FAT2: variants seen among roughly 807,000 people sequenced by gnomAD.
The protein encoded by FAT2 is FAT atypical cadherin 2, also known as protocadherin Fat 2.
FAT2 carries 150 observed loss-of-function variants against 295.3 expected under a neutral mutation model. The observed-to-expected ratio is 0.51, with a 90% CI of 0.44 to 0.58. The LOEUF (loss-of-function observed/expected upper bound fraction) is 0.58. Ranked by LOEUF, FAT2 falls within the 20% of genes least tolerant of loss-of-function variation. The probability of loss-of-function intolerance (pLI) is 0.00; values close to 1 mark genes in which losing one functional copy is unlikely to be tolerated. For synonymous variants in FAT2, 2,026 were observed against 2,150.3 expected, an observed-to-expected ratio of 0.94 and a Z score of 1.60; for missense variants, 4,868 against 5,442.7, an observed-to-expected ratio of 0.89 and a Z score of 3.32.
intron 18 of FAT2, among the ~76,000 whole-genome samples, chr5:151,522,525 A>G (rs975775185): frequency 6.6e-6 from 1 of 152,168 alleles, no homozygotes; most frequent in South Asian, 2.1e-4. Context: ...CCCTTTTGCT[A>G]TGCGATTGGA....
chr5:151,530,372 G>A (rs1288690511), intron 14 of FAT2, among the ~76,000 whole-genome samples: 1 of 152,144 alleles, frequency 6.6e-6, no homozygotes, highest in Non-Finnish European at 1.5e-5. Context: ...CAAGGCCTTT[G>A]ATCCAAATGT....
At chr5:151,526,068 G>T in intron 17 of FAT2, 103 bp from the exon 18 acceptor site, 1 of 1,103,218 alleles carries the variant, frequency 9.1e-7, no homozygotes, top group South Asian at 1.4e-5. Context: ...TCAGCACTCT[G>T]ACTGCTTGTA....
chr5:151,559,232 C>A (rs1044133079), intron 3 of FAT2, among the ~76,000 whole-genome samples: 1 of 152,318 alleles, frequency 6.6e-6, no homozygotes, highest in East Asian at 1.9e-4. Flanking sequence ...TGCAGTTGAA[C>A]GCAAGTCATT....
At chr5:151,571,915 T>C (rs1758544053) in intron 1 of FAT2, among the ~76,000 whole-genome samples, 1 of 152,196 alleles carries the variant, frequency 6.6e-6, no homozygotes, top group Non-Finnish European at 1.5e-5. Flanking sequence ...CTGCACCTCC[T>C]GGGCCCATGC....
Position 151,534,640 on chromosome 5 carries a change from C to A in FAT2, c.9196G>T (p.Glu3066Ter). Residue 3066 changes from glutamate (E) to a stop codon, truncating the protein, a stop_gained and splice_region_variant, in exon 13 of 24, where the codon GAG (glutamate) becomes TAG (stop). Transcript: ENST00000261800. LOFTEE classifies it high-confidence loss of function. ...TCTAGGGCAGTGAGTGTGGTCAGCT[C>A]CCCTGGTCGGAGAAATGACAAAAGT... ...HEFKLDPHTG[E>*]LTTLTALDRE... 2 of 1,603,296 alleles carry A rather than the reference C, an allele frequency of 1.2e-6. No homozygotes were observed. The highest frequency in any genetic ancestry group is 8.5e-7 in the Non-Finnish European group (1 of 1,171,004).
In FAT2 at chr5:151,504,301, T is replaced by C. The variant is rs1760680146; in HGVS notation, c.*1264A>G. 1 of 152,388 alleles carries C rather than the reference T, an allele frequency of 6.6e-6. No individual in the cohort carries two copies. Among genetic ancestry groups the C allele is most frequent in the Non-Finnish European group, 1.5e-5 (1 of 67,962 alleles). The allele number at this position is 152,388 out of a possible 1,614,324, so 9.4% of individuals were successfully genotyped here. The stretch of plus-strand genomic sequence containing the variant: ...GACTTCTGTCTCCAGAAACAACACA[T>C]ATGAAAAGGCAGTGGACCAGAGGGA... On this transcript the variant is annotated 3_prime_UTR_variant, in exon 24 of 24. Transcript: ENST00000261800.
intron 17 of FAT2, 137 bp downstream of exon 17, chr5:151,527,097 T>A (rs1339663122): frequency 1.2e-6 from 1 of 832,042 alleles, no homozygotes; most frequent in East Asian, 2.5e-5. Flanking sequence ...CCTCCAGCAG[T>A]CTGTGTTGCC....
At chr5:151,571,379 C>T (rs1021765875) in intron 1 of FAT2, among the ~76,000 whole-genome samples, 2 of 151,884 alleles carry the variant, frequency 1.3e-5, no homozygotes, top group Non-Finnish European at 1.5e-5. Context: ...CCAGGGTGCA[C>T]GCAGCCTCCC....
At chr5:151,580,665 G>A (rs1387065800) in intron 1 of FAT2, among the ~76,000 whole-genome samples, 1 of 152,198 alleles carries the variant, frequency 6.6e-6, no homozygotes, top group East Asian at 1.9e-4. Context: ...CAAAGCTCAA[G>A]CAGCAAGTTG....
chr5:151,585,571 C>T (rs942523312), intron 1 of FAT2, among the ~76,000 whole-genome samples: 2 of 152,298 alleles, frequency 1.3e-5, no homozygotes, highest in African/African-American at 4.8e-5. Flanking sequence ...GAGTTTGCAT[C>T]ATTGCACTCC....
intron 10 of FAT2, 72 bp downstream of exon 10, chr5:151,542,213 A>G: frequency 6.8e-7 from 1 of 1,465,546 alleles, no homozygotes. Context: ...ACATGAACCC[A>G]TTTTAGGGCA....
At chr5:151,587,742 C>T (rs1759233789) in intron 1 of FAT2, among the ~76,000 whole-genome samples, 2 of 152,310 alleles carry the variant, frequency 1.3e-5, no homozygotes, top group Admixed American at 1.3e-4. Context: ...CATTAAGTGT[C>T]TATTAAGATA....
chr5:151,537,326 AAAG>A (rs1333537477), intron 12 of FAT2, among the ~76,000 whole-genome samples: 8 of 2,346 alleles, frequency 3.4e-3, no homozygotes, highest in Admixed American at 0.024. Flanking sequence ...AAAGAGAAAA[AAAG>A]AAAGAAAAGA....
chr5:151,588,132 T>C (rs2127665141), intron 1 of FAT2, among the ~76,000 whole-genome samples: 1 of 152,194 alleles, frequency 6.6e-6, no homozygotes, highest in East Asian at 1.9e-4. Context: ...TGTGTATGTG[T>C]GTGTGGGTGT....
At chr5:151,565,090 T>C (rs2127643761) in intron 2 of FAT2, among the ~76,000 whole-genome samples, 1 of 152,110 alleles carries the variant, frequency 6.6e-6, no homozygotes, top group African/African-American at 2.4e-5. Flanking sequence ...AAGAAAAGAA[T>C]TTTTTTCTGT....
chr5:151,534,767 A>G, intron 12 of FAT2, 125 bp from the exon 13 acceptor site: 1 of 722,258 alleles, frequency 1.4e-6, no homozygotes, highest in South Asian at 1.9e-5. Context: ...AGGAGGGGTC[A>G]ATACAGTCAG....
intron 9 of FAT2, among the ~76,000 whole-genome samples, chr5:151,546,822 G>A (rs999683191): frequency 5.9e-5 from 9 of 151,990 alleles, no homozygotes; most frequent in Admixed American, 2.0e-4. Flanking sequence ...GGGCTCAAGC[G>A]GTCCTCCAGC....
At position 151,568,085 on chromosome 5, in the gene FAT2, C is replaced by T. The variant is rs143129030; in HGVS notation, c.847G>A (p.Gly283Arg). 3.7e-5 allele frequency: 59 copies of T among 1,614,098 alleles called. No homozygotes were observed. In the African/African-American group the frequency reaches 7.7e-4, roughly 21 times the overall value. Reference sequence around the variant, plus strand: ...ACTTCCACTGACTCCACTTCAGCTCCTGAGCTATTTGCATCGACCAGTACA... The same window carrying T: ...ACTTCCACTGACTCCACTTCAGCTCTTGAGCTATTTGCATCGACCAGTACA... The part of the protein sequence containing the change: ...ATVLVDANSS[G>R]AEVESVEVVG... Residue 283 changes from glycine (G) to arginine (R), a missense_variant, in exon 2 of 24, where the codon GGA becomes AGA. By Grantham distance (125) the Gly-to-Arg change is moderately radical (BLOSUM62 -2). Coordinates refer to ENST00000261800, the MANE Select transcript of FAT2 (RefSeq NM_001447.3).
At chr5:151,562,194 G>A (rs1173539254) in intron 3 of FAT2, among the ~76,000 whole-genome samples, 1 of 152,200 alleles carries the variant, frequency 6.6e-6, no homozygotes, top group East Asian at 1.9e-4. Context: ...AGGAGTCCCA[G>A]CGTCATCCTC....
Sources: allele counts gnomAD v4.1 joint callset (sites outside exome capture counted in the v4.1 genomes callset), GRCh38; gene constraint gnomAD v4.1.1; transcripts MANE v1.5; gene names NCBI Gene and HGNC (gene_info 2026-07-23, HGNC 2026-07-21).